The following EXOC4 variants were observed in gnomAD, a reference collection of about 807,000 sequenced individuals.
EXOC4 encodes the protein exocyst complex component 4, also known as SEC8-like 1.
Under a neutral mutation model 107.2 loss-of-function variants are expected in EXOC4, and 71 were observed. The observed-to-expected ratio is 0.66, with a 90% confidence interval of 0.55 to 0.81. EXOC4 has a LOEUF of 0.81. Ranked by LOEUF, EXOC4 falls within the 30% of genes least tolerant of loss-of-function variation. The pLI is 0.00. For synonymous variants in EXOC4, 456 were observed against 441.2 expected, an observed-to-expected ratio of 1.03 and a Z score of -0.42; for missense variants, 1,108 against 1,189.6, an observed-to-expected ratio of 0.93 and a Z score of 1.01.
At chr7:133,394,449 G>A (rs1796925934) in intron 7 of EXOC4, among the ~76,000 whole-genome samples, 1 of 152,096 alleles carries the variant, frequency 6.6e-6, no homozygotes, top group African/African-American at 2.4e-5. Context: ...AGAATCATCA[G>A]AGCTTCTATT....
chr7:133,971,361 T>TATATATATATATAG (rs1489958236), intron 14 of EXOC4, among the ~76,000 whole-genome samples: 19 of 75,070 alleles, frequency 2.5e-4, no homozygotes, highest in South Asian at 5.2e-4. Flanking sequence ...TATATATATA[T>TATATATATATATAG]AGAGAGAGAG....
At chr7:133,623,054 G>A (rs1289909096) in intron 9 of EXOC4, among the ~76,000 whole-genome samples, 1 of 152,118 alleles carries the variant, frequency 6.6e-6, no homozygotes, top group Non-Finnish European at 1.5e-5. Context: ...GATGAAGTGA[G>A]TATTTTTATG....
At chr7:133,868,460 AT>A (rs1430535394) in intron 11 of EXOC4, among the ~76,000 whole-genome samples, 1 of 152,170 alleles carries the variant, frequency 6.6e-6, no homozygotes, top group Non-Finnish European at 1.5e-5. Flanking sequence ...GAGACCCTCT[AT>A]TTTATTCCTT....
intron 7 of EXOC4, among the ~76,000 whole-genome samples, chr7:133,419,069 TA>T (rs1275076781): frequency 2.0e-5 from 3 of 152,030 alleles, no homozygotes; most frequent in Non-Finnish European, 4.4e-5. Context: ...GCAGAGGAAA[TA>T]GGGGAGACAT....
intron 11 of EXOC4, among the ~76,000 whole-genome samples, chr7:133,878,398 G>A (rs1237632953): frequency 1.3e-5 from 2 of 152,200 alleles, no homozygotes; most frequent in Admixed American, 1.3e-4. Flanking sequence ...TCCATCTTCT[G>A]TATTTGTCTG....
chr7:133,400,343 A>G (rs1797062274), intron 7 of EXOC4, among the ~76,000 whole-genome samples: 2 of 152,068 alleles, frequency 1.3e-5, no homozygotes, highest in African/African-American at 4.8e-5. Flanking sequence ...TCAGTTGCCT[A>G]CTCTATATAC....
At chr7:134,091,312 C>G in the EXOC4 span, among the ~76,000 whole-genome samples, 280 of 152,272 alleles carry the variant, frequency 1.8e-3, no homozygotes, top group African/African-American at 6.5e-3. Context: ...TTCATGCCTC[C>G]CCTTTTTAGA....
chr7:133,659,660 C>G (rs1356474347), intron 10 of EXOC4, among the ~76,000 whole-genome samples: 2 of 152,110 alleles, frequency 1.3e-5, no homozygotes, highest in Admixed American at 6.6e-5. Flanking sequence ...CTGGGAAGGG[C>G]ATGGAGAATC....
intron 9 of EXOC4, among the ~76,000 whole-genome samples, chr7:133,592,535 T>G (rs1801573794): frequency 6.6e-6 from 1 of 152,130 alleles, no homozygotes; most frequent in African/African-American, 2.4e-5. Context: ...CTCTGCCTCC[T>G]GGGTTCAAGT....
At chr7:133,307,271 G>T (rs1794773917) in intron 4 of EXOC4, among the ~76,000 whole-genome samples, 1 of 152,138 alleles carries the variant, frequency 6.6e-6, no homozygotes, top group African/African-American at 2.4e-5. Flanking sequence ...CTTCTGCCAG[G>T]CACACAGATT....
rs561094841 is a variant in EXOC4, at chr7:133,350,400, T to G, written c.764-5930T>G. Among the ~76,000 whole-genome samples, 11 of 152,236 alleles carry G rather than the reference T, an allele frequency of 7.2e-5. No individual in the cohort carries two copies. The South Asian group carries it at 2.3e-3, about 32-fold the overall frequency. On this transcript the variant is annotated intron_variant, in intron 5 of 17. Coordinates refer to ENST00000253861, the MANE Select transcript of EXOC4 (RefSeq NM_021807.4). ...TCATTTTTTGTATGTAGATATTGTT[T>G]CCCTGTACAGCATTTGTTGAAAGGC...
intron 17 of EXOC4, among the ~76,000 whole-genome samples, chr7:134,019,334 T>C (rs1305356650): frequency 6.6e-6 from 1 of 152,124 alleles, no homozygotes; most frequent in Non-Finnish European, 1.5e-5. Context: ...CTACTTTCTC[T>C]AAAACAAGGA....
chr7:133,451,793 T>C (rs192293123), intron 7 of EXOC4, among the ~76,000 whole-genome samples: 5 of 152,296 alleles, frequency 3.3e-5, no homozygotes, highest in Admixed American at 3.3e-4. Flanking sequence ...TCCAGCATGA[T>C]ACTAGTTTCC....
chr7:133,823,518 A>G lies in EXOC4; in HGVS notation c.1734+5974A>G, dbSNP rs147113221. Among the ~76,000 whole-genome samples, 23 of 151,950 alleles carry G rather than the reference A, an allele frequency of 1.5e-4. No homozygotes were observed. The East Asian group carries it at 2.2e-3, about 14-fold the overall frequency. ...TATTGCTGGCAGAGAGAGTACATCA[A>G]AAATTATTGTTGAAGGCTGGGCATG... is the stretch of plus-strand genomic sequence containing the variant. On this transcript the variant is annotated intron_variant, in intron 11 of 17. Transcript: ENST00000253861.
At chr7:133,363,499 G>A (rs907012096) in intron 6 of EXOC4, among the ~76,000 whole-genome samples, 1 of 151,472 alleles carries the variant, frequency 6.6e-6, no homozygotes, top group Non-Finnish European at 1.5e-5. Context: ...CATTCTGGTT[G>A]TGTATTGTCC....
chr7:133,510,809 T>C (rs1799754205), intron 9 of EXOC4, among the ~76,000 whole-genome samples: 1 of 152,182 alleles, frequency 6.6e-6, no homozygotes, highest in Non-Finnish European at 1.5e-5. Flanking sequence ...GTGGTACATA[T>C]CACACCAGAA....
intron 4 of EXOC4, among the ~76,000 whole-genome samples, chr7:133,306,491 A>G (rs1194315085): frequency 6.6e-6 from 1 of 152,110 alleles, no homozygotes; most frequent in Non-Finnish European, 1.5e-5. Flanking sequence ...TGAGCCCAAG[A>G]GTTCAAGACC....
intron 17 of EXOC4, among the ~76,000 whole-genome samples, chr7:134,041,097 A>G (rs184231885): frequency 6.6e-6 from 1 of 152,330 alleles, no homozygotes; most frequent in Admixed American, 6.5e-5. Flanking sequence ...TCAGATGTTT[A>G]TAGATGGTTC....
At chr7:133,516,430 ATG>A (rs1175895501) in intron 9 of EXOC4, among the ~76,000 whole-genome samples, 5 of 152,108 alleles carry the variant, frequency 3.3e-5, no homozygotes, top group Non-Finnish European at 7.4e-5. Context: ...TGGACATTTC[ATG>A]TAATGGAATC....
Sources: gnomAD v4.1 joint callset for allele counts (sites outside exome capture counted in the v4.1 genomes callset) on GRCh38, gnomAD v4.1.1 for gene constraint, MANE v1.5 for transcripts, NCBI Gene and HGNC (gene_info 2026-07-23, HGNC 2026-07-21) for gene names.